The following FAR2 variants were observed in gnomAD, a reference collection of about 807,000 sequenced individuals.
FAR2 encodes the protein epididymis secretory protein Li 81.
In FAR2, 19 loss-of-function variants were observed where a neutral mutation model predicts 56.0. The observed-to-expected ratio is 0.34, with a 90% CI of 0.24 to 0.50. The LOEUF (loss-of-function observed/expected upper bound fraction) is 0.50. Among genes scored for constraint, FAR2 ranks in the 20% least tolerant of loss-of-function variants. The pLI, the probability that FAR2 is intolerant of heterozygous loss-of-function variation, is 0.98. For missense variants in FAR2, 508 were observed against 642.2 expected (o/e 0.79, Z 2.26); for synonymous variants, 219 against 218.8 (o/e 1.00, Z -0.01).
intron 1 of FAR2, among the ~76,000 whole-genome samples, chr12:29,269,903 T>G (rs776290528): frequency 6.6e-6 from 1 of 152,242 alleles, no homozygotes; most frequent in African/African-American, 2.4e-5. Flanking sequence ...ATTTATGTCC[T>G]GTAACACTGC....
chr12:29,277,840 A>G (rs188389815), intron 2 of FAR2: 1 of 152,010 alleles, frequency 6.6e-6, no homozygotes. Context: ...AGAAATAGAC[A>G]TTTAAGAAGA....
intron 1 of FAR2, among the ~76,000 whole-genome samples, chr12:29,248,614 T>C (rs1948164241): frequency 6.6e-6 from 1 of 152,222 alleles, no homozygotes; most frequent in Non-Finnish European, 1.5e-5. Context: ...CCATTGTCAT[T>C]GATAACATCT....
At chr12:29,205,353 T>A (rs1947467330) in intron 1 of FAR2, among the ~76,000 whole-genome samples, 1 of 152,252 alleles carries the variant, frequency 6.6e-6, no homozygotes, top group Non-Finnish European at 1.5e-5. Context: ...ACATGTCTGA[T>A]AATTTCCAGT....
chr12:29,155,513 C>T (rs184751584), intron 1 of FAR2, among the ~76,000 whole-genome samples: 1 of 152,358 alleles, frequency 6.6e-6, no homozygotes, highest in Non-Finnish European at 1.5e-5. Flanking sequence ...GGGTCAGCAG[C>T]TTTGGCCCAA....
At chr12:29,321,288 G>C (rs935003345) in intron 9 of FAR2, among the ~76,000 whole-genome samples, 1 of 152,140 alleles carries the variant, frequency 6.6e-6, no homozygotes, top group African/African-American at 2.4e-5. Context: ...CACTTTGGGA[G>C]GCCAAGGCAG....
At chr12:29,264,643 A>C (rs901495088) in intron 1 of FAR2, among the ~76,000 whole-genome samples, 1 of 115,254 alleles carries the variant, frequency 8.7e-6, no homozygotes, top group Non-Finnish European at 1.8e-5. Flanking sequence ...AAATAAATAA[A>C]TAAATAAATA....
intron 10 of FAR2, among the ~76,000 whole-genome samples, chr12:29,329,924 T>G (rs1010523745): frequency 3.3e-5 from 5 of 152,194 alleles, no homozygotes; most frequent in African/African-American, 1.2e-4. Flanking sequence ...GTTGCTGTAG[T>G]TAATTTAAGC....
intron 1 of FAR2, chr12:29,151,660 G>C (rs1949682319): frequency 1.3e-5 from 2 of 152,202 alleles, no homozygotes; most frequent in African/African-American, 4.8e-5. Context: ...CCAAATAACA[G>C]TGTTTGAACA....
chr12:29,179,000 T>C (rs1949966590), intron 1 of FAR2, among the ~76,000 whole-genome samples: 2 of 152,122 alleles, frequency 1.3e-5, no homozygotes, highest in Admixed American at 1.3e-4. Flanking sequence ...TCTCTTTGGC[T>C]GGTAGATGGC....
rs986760787 is a variant in FAR2 at position 29,174,716 on chromosome 12, G to A, written c.-39+25309G>A. Among the ~76,000 whole-genome samples, 7 of 152,100 alleles carry A rather than the reference G, an allele frequency of 4.6e-5. No homozygotes were observed. In the East Asian group the frequency reaches 5.8e-4, roughly 13 times the overall value. ...ATTACAGGCATGAGCCAACGCACCC[G>A]GCCAGGAGTGGCTTTTAGAAGTGGA... is the stretch of plus-strand genomic sequence containing the variant. On this transcript the variant is annotated intron_variant, in intron 1 of 11. Coordinates refer to ENST00000536681, the MANE Select transcript of FAR2 (RefSeq NM_001271783.2).
At chr12:29,202,616 C>A (rs776407503) in intron 1 of FAR2, among the ~76,000 whole-genome samples, 6 of 152,088 alleles carry the variant, frequency 3.9e-5, no homozygotes, top group Admixed American at 3.3e-4. Context: ...GTCATGGGGG[C>A]GGATCCCTCA....
intron 4 of FAR2, among the ~76,000 whole-genome samples, chr12:29,302,236 G>GAAAA (rs57752714): frequency 4.3e-5 from 4 of 93,098 alleles, no homozygotes; most frequent in African/African-American, 8.2e-5. Flanking sequence ...CATCTCAAAG[G>GAAAA]AAAAAAAAAA....
chr12:29,231,402 T>A (rs1947856334), intron 1 of FAR2, among the ~76,000 whole-genome samples: 1 of 152,058 alleles, frequency 6.6e-6, no homozygotes, highest in East Asian at 1.9e-4. Flanking sequence ...ATTTCATTCA[T>A]AGAGACAGGA....
chr12:29,230,346 G>A (rs1482783066), intron 1 of FAR2, among the ~76,000 whole-genome samples: 2 of 151,910 alleles, frequency 1.3e-5, no homozygotes, highest in East Asian at 1.9e-4. Context: ...GAGGAGTGAG[G>A]GCTGAGAGCT....
At chr12:29,271,482 G>T (rs184284270) in intron 2 of FAR2, among the ~76,000 whole-genome samples, 1 of 152,190 alleles carries the variant, frequency 6.6e-6, no homozygotes, top group Non-Finnish European at 1.5e-5. Flanking sequence ...TTGGAATATA[G>T]GGGGTGACAT....
At chr12:29,294,919 AT>A (rs1215559385) in intron 3 of FAR2, among the ~76,000 whole-genome samples, 1 of 152,106 alleles carries the variant, frequency 6.6e-6, no homozygotes, top group African/African-American at 2.4e-5. Context: ...TATTTGTTAA[AT>A]ATTTTATTTT....
chr12:29,275,304 G>T (rs979992538), intron 2 of FAR2, among the ~76,000 whole-genome samples: 1 of 152,036 alleles, frequency 6.6e-6, no homozygotes, highest in Non-Finnish European at 1.5e-5. Flanking sequence ...TGAGCCAGGA[G>T]AAGGAATTTC....
At chr12:29,298,747 G>A (rs117180366) in intron 4 of FAR2, among the ~76,000 whole-genome samples, 2 of 152,278 alleles carry the variant, frequency 1.3e-5, no homozygotes, top group South Asian at 4.1e-4. Context: ...CCCTCTTATG[G>A]TGTTGTCTCT....
chr12:29,329,296 G>GT (rs1949696786), intron 10 of FAR2, among the ~76,000 whole-genome samples: 1 of 152,154 alleles, frequency 6.6e-6, no homozygotes, highest in African/African-American at 2.4e-5. Context: ...TTATCCTTAT[G>GT]TATTTTCTCC....
Sources: allele counts gnomAD v4.1 joint callset (sites outside exome capture counted in the v4.1 genomes callset), GRCh38; gene constraint gnomAD v4.1.1; transcripts MANE v1.5; gene names NCBI Gene and HGNC (gene_info 2026-07-23, HGNC 2026-07-21).